KMT2C: variants seen among roughly 807,000 people sequenced by gnomAD.
The protein encoded by KMT2C is histone-lysine N-methyltransferase 2C.
In KMT2C, 88 loss-of-function variants were observed where a neutral mutation model predicts 507.9. The observed-to-expected ratio is 0.17, with a 90% CI of 0.15 to 0.21. The LOEUF (loss-of-function observed/expected upper bound fraction) is 0.21, where lower values mean the gene tolerates loss of function less well. Among genes scored for constraint, KMT2C ranks in the 10% least tolerant of loss-of-function variants. The probability of loss-of-function intolerance (pLI) is 1.00; values close to 1 mark genes in which losing one functional copy is unlikely to be tolerated. For synonymous variants in KMT2C, 2,049 were observed against 2,080.8 expected (o/e 0.98, Z 0.42); for missense variants, 4,954 against 5,957.8 (o/e 0.83, Z 5.55).
intron 1 of KMT2C, among the ~76,000 whole-genome samples, chr7:152,376,751 T>C (rs1176092861): frequency 6.6e-6 from 1 of 152,280 alleles, no homozygotes; most frequent in Non-Finnish European, 1.5e-5. Context: ...ACATGGAAGC[T>C]GTAGCAAGTT....
At chr7:152,195,584 C>A (rs1563346361) in intron 28 of KMT2C, 1 of 980,968 alleles carries the variant, frequency 1.0e-6, no homozygotes, top group Non-Finnish European at 1.2e-6. Context: ...AAGACCCAAA[C>A]CAAATAAAAT....
intron 1 of KMT2C, among the ~76,000 whole-genome samples, chr7:152,392,797 C>T (rs2097509495): frequency 6.6e-6 from 1 of 152,206 alleles, no homozygotes; most frequent in African/African-American, 2.4e-5. Flanking sequence ...AAAAACACTG[C>T]TTCACATCAC....
intron 6 of KMT2C, among the ~76,000 whole-genome samples, chr7:152,290,632 A>C (rs2096412021): frequency 6.6e-6 from 1 of 151,904 alleles, no homozygotes; most frequent in Non-Finnish European, 1.5e-5. Context: ...TTAAAGGGTA[A>C]AGATATAAAG....
intron 6 of KMT2C, among the ~76,000 whole-genome samples, chr7:152,298,010 A>T (rs1047006835): frequency 6.6e-6 from 1 of 152,200 alleles, no homozygotes; most frequent in Non-Finnish European, 1.5e-5. Context: ...TTTGAGATGA[A>T]AATTACATTG....
chr7:152,365,307 G>C (rs181494717), intron 1 of KMT2C, among the ~76,000 whole-genome samples: 1 of 152,140 alleles, frequency 6.6e-6, no homozygotes, highest in Admixed American at 6.5e-5. Context: ...GGTCGAGTTC[G>C]AGACCAGCCT....
At position 152,275,981 on chromosome 7, in the gene KMT2C, G is replaced by A. The variant is rs1301197641; in HGVS notation, c.850-2114C>T. The stretch of plus-strand genomic sequence containing the variant: ...AATTTAAATTGACCAGCTTCTCAAT[G>A]TCTTTCTCATTTTAGAAACACCAAT... On this transcript the variant is annotated intron_variant, in intron 6 of 58. Coordinates refer to ENST00000262189, the MANE Select transcript of KMT2C (RefSeq NM_170606.3). Among the ~76,000 whole-genome samples the A allele has an allele frequency of 3.3e-5, 5 of 152,138 alleles. No individual in the cohort carries two copies. In the East Asian group the frequency reaches 5.8e-4, roughly 18 times the overall value.
rs2095635965 is a variant in KMT2C at position 152,255,139 on chromosome 7, A to ATATATATG, written c.1300-2425_1300-2424insCATATATA. On this transcript the variant is annotated intron_variant, in intron 9 of 58. Coordinates refer to ENST00000262189, the MANE Select transcript of KMT2C (RefSeq NM_170606.3). ...TATATATATATATATATATATATAT[A>ATATATATG]TATATACATATATATATATGTGTGT... Among the ~76,000 whole-genome samples the ATATATATG allele has an allele frequency of 6.3e-5, 8 of 127,846 alleles. No homozygotes were observed. In the Admixed American group the frequency reaches 6.3e-4, roughly 10 times the overall value. 83.9% of individuals were successfully genotyped at this position (127,846 alleles called of 152,430 possible).
At chr7:152,264,628 T>C (rs982480767) in intron 8 of KMT2C, among the ~76,000 whole-genome samples, 19 of 152,152 alleles carry the variant, frequency 1.2e-4, no homozygotes, top group African/African-American at 3.4e-4. Flanking sequence ...CTTCTGTAGT[T>C]AGACGTTTAA....
At chr7:152,367,714 A>T in intron 1 of KMT2C, 1 of 1,250,224 alleles carries the variant, frequency 8.0e-7, no homozygotes, top group African/African-American at 1.5e-5. Context: ...GATGTAGTGG[A>T]TAATAGTAAT....
At chr7:152,417,765 C>T (rs2097754203) in intron 1 of KMT2C, among the ~76,000 whole-genome samples, 1 of 151,554 alleles carries the variant, frequency 6.6e-6, no homozygotes, top group Non-Finnish European at 1.5e-5. Context: ...CTTCAACCTC[C>T]TGAGTAGCTG....
In KMT2C at chr7:152,230,236, T is replaced by C. The variant is rs774181466; in HGVS notation, c.2855A>G (p.Lys952Arg). The C allele has an allele frequency of 1.1e-5, 18 of 1,592,034 alleles. No homozygotes were observed. The highest frequency in any genetic ancestry group is 1.1e-4 in the East Asian group (5 of 44,688). Residue 952 changes from lysine (K) to arginine (R), a missense_variant, in exon 17 of 59, where the codon AAG (lysine) becomes AGG (arginine). By Grantham distance (26) the Lys-to-Arg change is conservative. Transcript: ENST00000262189. Reference sequence around the variant, plus strand: ...AGTTCAAACCTGATTCAAAGTGAACTTGTCACTGCTAGAAAACAACACAAC... The same window carrying C: ...AGTTCAAACCTGATTCAAAGTGAACCTGTCACTGCTAGAAAACAACACAAC... ...NTVVLFSSSD[K>R]FTLNQDMCVV...
Position 152,144,700 on chromosome 7 carries a change from A to C in KMT2C, c.14343+13T>G, listed in dbSNP as rs2090933027. ...CTGTCTCTCCACTTCCTGTACACAAAGTATTTCTTCACCTGAATCCGAGAC... is the reference window on the plus strand; with the variant it reads ...CTGTCTCTCCACTTCCTGTACACAACGTATTTCTTCACCTGAATCCGAGAC... On this transcript the variant is annotated intron_variant, in intron 55 of 58. Transcript: ENST00000262189. The surrounding 1 kb of genome is among the most constrained non-coding windows in gnomAD (Gnocchi z 4.4). 1.9e-6 allele frequency: 3 copies of C among 1,610,714 alleles called. No individual in the cohort carries two copies. The highest frequency in any genetic ancestry group is 2.5e-6 in the Non-Finnish European group (3 of 1,177,436).
At position 152,151,569 on chromosome 7, in the gene KMT2C, T is replaced by C; in HGVS notation, c.12539A>G (p.Tyr4180Cys). ...TGCAATACCATGACTAGAATCCTTA[T>C]ATCCAGAAAGACCTAAAGGCAATCA... ...FPPTSNGLSG[Y>C]KDSSHGIAES... is the part of the protein sequence containing the mutation. The change falls in exon 50 of 59, where the codon TAT (tyrosine) becomes TGT (cysteine). Residue 4180 changes from tyrosine to cysteine, a missense_variant. By Grantham distance (194) the Tyr-to-Cys change is radical. This residue lies in a region of KMT2C where 417 missense variants were observed against 461.1 expected (regional missense o/e 0.90). Coordinates refer to ENST00000262189, the MANE Select transcript of KMT2C (RefSeq NM_170606.3). The C allele has an allele frequency of 1.9e-6, 3 of 1,613,880 alleles. No homozygotes were observed. The highest frequency in any genetic ancestry group is 8.5e-7 in the Non-Finnish European group (1 of 1,179,852).
At chr7:152,299,884 A>G (rs780871715) in intron 6 of KMT2C, among the ~76,000 whole-genome samples, 17 of 152,094 alleles carry the variant, frequency 1.1e-4, no homozygotes, top group Non-Finnish European at 1.8e-4. Context: ...GGTTAAAATA[A>G]AAGAATGGAA....
intron 31 of KMT2C, 24 bp from the exon 32 acceptor site, chr7:152,187,871 T>C (rs778082438): frequency 5.6e-6 from 9 of 1,612,602 alleles, no homozygotes; most frequent in Middle Eastern, 1.7e-4. Flanking sequence ...AATAATTCCG[T>C]TGGCATGATA....
intron 2 of KMT2C, among the ~76,000 whole-genome samples, chr7:152,357,579 CTT>C (rs1488525633): frequency 6.6e-6 from 1 of 151,728 alleles, no homozygotes; most frequent in Non-Finnish European, 1.5e-5. Context: ...TTCAAAAAGA[CTT>C]TTCAGTAGTA....
chr7:152,213,504 A>ATC (rs1489830392), intron 23 of KMT2C, among the ~76,000 whole-genome samples: 21 of 152,186 alleles, frequency 1.4e-4, no homozygotes, highest in Admixed American at 1.2e-3. Flanking sequence ...AAAACTAGAT[A>ATC]TCTATATGCA....
intron 1 of KMT2C, chr7:152,367,399 A>T (rs771938587): frequency 1.0e-5 from 7 of 690,778 alleles, no homozygotes; most frequent in Non-Finnish European, 1.8e-5. Context: ...CAGCATACAA[A>T]GTGAGACAGG....
intron 6 of KMT2C, among the ~76,000 whole-genome samples, chr7:152,278,796 CAT>C (rs1202257786): frequency 6.6e-6 from 1 of 152,308 alleles, no homozygotes; most frequent in African/African-American, 2.4e-5. Context: ...CAAAAGAAGC[CAT>C]AGTCATTAAA....
Sources: allele counts gnomAD v4.1 joint callset (sites outside exome capture counted in the v4.1 genomes callset), GRCh38; gene constraint gnomAD v4.1.1; regional missense constraint gnomAD v4.1.1; non-coding constraint Gnocchi (gnomAD v3.1); transcripts MANE v1.5; gene names NCBI Gene and HGNC (gene_info 2026-07-23, HGNC 2026-07-21).